Variants in MAP3K5 observed in about 807,000 individuals in gnomAD.
MAP3K5 encodes the protein mitogen-activated protein kinase kinase kinase 5, also known as ASK-1.
In MAP3K5, 56 loss-of-function variants were observed where a neutral mutation model predicts 158.7. That is an observed-to-expected ratio of 0.35 (90% CI 0.28 to 0.44). The LOEUF is 0.44. MAP3K5 is among the 20% of genes least tolerant of loss of function. The pLI, the probability that MAP3K5 is intolerant of heterozygous loss-of-function variation, is 1.00. For synonymous variants in MAP3K5, 579 were observed against 601.7 expected (o/e 0.96, Z 0.55); for missense variants, 1,294 against 1,674.8 (o/e 0.77, Z 3.97).
intron 1 of MAP3K5, among the ~76,000 whole-genome samples, chr6:136,765,773 G>T (rs947219059): frequency 6.8e-6 from 1 of 146,270 alleles, no homozygotes; most frequent in African/African-American, 2.5e-5. Context: ...CAGGTGATCT[G>T]CCCGCCTCCA....
At chr6:136,593,714 CAAA>C (rs760563651) in intron 21 of MAP3K5, 3,170 of 237,646 alleles carry the variant, frequency 0.013, no homozygotes, top group South Asian at 0.018. Context: ...GACAGATATG[CAAA>C]AAAAAAAAAA....
In MAP3K5 at chr6:136,750,268, G is replaced by A. The variant is rs144420358; in HGVS notation, c.449-29679C>T. 1.5e-4 allele frequency among the ~76,000 whole-genome samples: 23 copies of A among 152,290 alleles called. No individual in the cohort carries two copies. The East Asian group carries it at 4.4e-3, about 29-fold the overall frequency. Reference sequence around the variant, plus strand: ...AATTTTTGTATTTTTAGTAGACACAGGGTTTCGCCATCTTGGCCAGGCTGG... The same window carrying A: ...AATTTTTGTATTTTTAGTAGACACAAGGTTTCGCCATCTTGGCCAGGCTGG... On this transcript the variant is annotated intron_variant, in intron 1 of 29. Coordinates refer to ENST00000359015, the MANE Select transcript of MAP3K5 (RefSeq NM_005923.4).
rs1207808207 is a variant in MAP3K5, at chr6:136,651,022, T to C, written c.1750A>G (p.Lys584Glu). 3.7e-6 allele frequency: 6 copies of C among 1,612,146 alleles called. No homozygotes were observed. In the Admixed American group the frequency reaches 8.3e-5, roughly 22 times the overall value. ...AGCACGTGCCAAATAGAGATTGTCTTTTCCTCAACTTCATTGTTGATAGAC... is the reference window on the plus strand; with the variant it reads ...AGCACGTGCCAAATAGAGATTGTCTCTTCCTCAACTTCATTGTTGATAGAC... ...YLSINNEVEE[K>E]TISIWHVLPD... The change falls in exon 11 of 30, where the codon AAG (lysine) becomes GAG (glutamate). Residue 584 changes from lysine (K) to glutamate (E), a missense_variant. Physicochemically the swap from Lys to Glu is moderately conservative, Grantham distance 56. This residue lies in a region of MAP3K5 where 690 missense variants were observed against 870.5 expected (regional missense o/e 0.79). Transcript: ENST00000359015.
At chr6:136,618,228 TA>T (rs1469489781) in intron 15 of MAP3K5, among the ~76,000 whole-genome samples, 3 of 152,244 alleles carry the variant, frequency 2.0e-5, no homozygotes, top group African/African-American at 7.2e-5. Context: ...TTTGTAACTG[TA>T]ACTGCTATCT....
chr6:136,598,081 A>T (rs9376212), intron 21 of MAP3K5, among the ~76,000 whole-genome samples: 13,603 of 152,210 alleles, frequency 0.089, 1,298 homozygotes, highest in East Asian at 0.32. Context: ...TGATTCCTTA[A>T]CATTTCATAA....
At chr6:136,771,997 T>C (rs1784219212) in intron 1 of MAP3K5, among the ~76,000 whole-genome samples, 1 of 151,386 alleles carries the variant, frequency 6.6e-6, no homozygotes, top group African/African-American at 2.4e-5. Flanking sequence ...CAACCTCTGC[T>C]TCCCAGGTTC....
intron 1 of MAP3K5, among the ~76,000 whole-genome samples, chr6:136,746,190 A>G (rs1782950102): frequency 1.3e-5 from 2 of 152,194 alleles, no homozygotes. Flanking sequence ...CAGCAGGTTT[A>G]TGGCTTAATG....
At chr6:136,589,422 T>A (rs1056543674) in intron 23 of MAP3K5, among the ~76,000 whole-genome samples, 5 of 152,138 alleles carry the variant, frequency 3.3e-5, no homozygotes, top group African/African-American at 1.2e-4. Flanking sequence ...TGTGGGAGGT[T>A]GTATCCACAA....
intron 1 of MAP3K5, among the ~76,000 whole-genome samples, chr6:136,738,735 T>C (rs1245097973): frequency 1.3e-5 from 2 of 152,148 alleles, no homozygotes; most frequent in Non-Finnish European, 2.9e-5. Flanking sequence ...GAAGTGCTGG[T>C]GAGAACAGTC....
intron 14 of MAP3K5, among the ~76,000 whole-genome samples, chr6:136,634,441 T>G (rs1777517579): frequency 6.6e-6 from 1 of 152,152 alleles, no homozygotes; most frequent in Non-Finnish European, 1.5e-5. Flanking sequence ...CCAAGACTCT[T>G]GAAGCCGGTC....
At chr6:136,754,307 A>T (rs999202229) in intron 1 of MAP3K5, among the ~76,000 whole-genome samples, 4 of 151,910 alleles carry the variant, frequency 2.6e-5, no homozygotes, top group Middle Eastern at 6.8e-3. Context: ...GGCTGGGTGC[A>T]GTGGCTCACA....
Position 136,561,585 on chromosome 6 carries a change from TC to T in MAP3K5, c.3934del (p.Glu1312AsnfsTer6). 1 of 1,614,044 alleles carries T rather than the reference TC, an allele frequency of 6.2e-7. No homozygotes were observed. The highest frequency in any genetic ancestry group is 8.5e-7 in the Non-Finnish European group (1 of 1,179,890). The stretch of plus-strand genomic sequence containing the variant: ...ATTCACTCTCAGCCAGTCGGTAAGT[TC>T]AGAATCTTCAGTATTTGTGCCAGAA... ...NSSGTNTEDS[E>X]LTDWLRVNGA... is the part of the protein sequence containing the mutation. On this transcript the variant is annotated frameshift_variant, in exon 28 of 30. Transcript: ENST00000359015. LOFTEE classifies it high-confidence loss of function.
chr6:136,576,642 G>A (rs1011910730), intron 25 of MAP3K5, among the ~76,000 whole-genome samples: 5 of 151,922 alleles, frequency 3.3e-5, no homozygotes, highest in East Asian at 1.9e-4. Flanking sequence ...CCCCCAGCCC[G>A]GAATCAACCA....
chr6:136,738,336 C>T (rs1782562175), intron 1 of MAP3K5, among the ~76,000 whole-genome samples: 1 of 152,088 alleles, frequency 6.6e-6, no homozygotes, highest in Admixed American at 6.6e-5. Context: ...CTACTTGAGA[C>T]CTTATAGCTG....
At chr6:136,682,246 A>G (rs760005365) in intron 7 of MAP3K5, among the ~76,000 whole-genome samples, 17 of 152,240 alleles carry the variant, frequency 1.1e-4, no homozygotes, top group Admixed American at 2.0e-4. Context: ...TATAATAGAC[A>G]CAATAAAGGA....
In MAP3K5 at chr6:136,613,383, G is replaced by A. The variant is rs1156330782; in HGVS notation, c.2279-127C>T. 1.5e-6 allele frequency: 1 copy of A among 684,750 alleles called. No homozygotes were observed. The highest frequency in any genetic ancestry group is 2.2e-6 in the Non-Finnish European group (1 of 448,022). 42.4% of individuals were successfully genotyped at this position (684,750 alleles called of 1,614,324 possible). A position where few individuals can be genotyped will look rare whatever the true frequency, so the allele number is the denominator to read the frequency against. On this transcript the variant is annotated intron_variant, in intron 16 of 29. Coordinates refer to ENST00000359015, the MANE Select transcript of MAP3K5 (RefSeq NM_005923.4). This position sits in a 1 kb window ranked among gnomAD's most constrained non-coding sequence, Gnocchi z 4.0. ...TCACAGTGGCCCAGGAGCTATACTG[G>A]ATATCGGGCTCAAACATGAATTTGC...
intron 2 of MAP3K5, among the ~76,000 whole-genome samples, chr6:136,718,189 A>AATT (rs759620006): frequency 1.3e-5 from 2 of 151,942 alleles, no homozygotes; most frequent in South Asian, 2.1e-4. Flanking sequence ...CTCTTTTAAG[A>AATT]ATTATTATTA....
chr6:136,706,262 C>CA (rs1228664547), intron 2 of MAP3K5, among the ~76,000 whole-genome samples: 52 of 147,136 alleles, frequency 3.5e-4, no homozygotes, highest in South Asian at 1.1e-3. Flanking sequence ...TGAGACTCCT[C>CA]AAAAAAAAAA....
chr6:136,792,268 G>T lies in MAP3K5; in HGVS notation c.-111C>A. 1.7e-6 allele frequency: 2 copies of T among 1,180,526 alleles called. No homozygotes were observed. The highest frequency in any genetic ancestry group is 2.1e-6 in the Non-Finnish European group (2 of 959,280). The allele number at this position is 1,180,526 out of a possible 1,614,324, so 73.1% of individuals were successfully genotyped here. On this transcript the variant is annotated 5_prime_UTR_variant, in exon 1 of 30. Coordinates refer to ENST00000359015, the MANE Select transcript of MAP3K5 (RefSeq NM_005923.4). The surrounding 1 kb of genome is among the most constrained non-coding windows in gnomAD (Gnocchi z 5.7). ...CGCCGGGCTAAGCAGCTGCCATCGCGCGCCGCGCCCTCGCCGCCGCGCCGC... is the reference window on the plus strand; with the variant it reads ...CGCCGGGCTAAGCAGCTGCCATCGCTCGCCGCGCCCTCGCCGCCGCGCCGC...
Sources: gnomAD v4.1 joint callset for allele counts (sites outside exome capture counted in the v4.1 genomes callset) on GRCh38, gnomAD v4.1.1 for gene constraint, gnomAD v4.1.1 regional missense constraint, Gnocchi (gnomAD v3.1) non-coding constraint, MANE v1.5 for transcripts, NCBI Gene and HGNC (gene_info 2026-07-23, HGNC 2026-07-21) for gene names.